The following ANK1 variants were observed in gnomAD, a reference collection of about 807,000 sequenced individuals.
ANK1 encodes ankyrin 1, also known as ankyrin-1.
A neutral mutation model predicts 210.4 loss-of-function variants in ANK1; 51 were observed. That is an observed-to-expected ratio of 0.24 (90% CI 0.19 to 0.31). The LOEUF is 0.31. Ranked by LOEUF, ANK1 falls within the 10% of genes least tolerant of loss-of-function variation. The probability of loss-of-function intolerance (pLI) is 1.00; values close to 1 mark genes in which losing one functional copy is unlikely to be tolerated. For synonymous variants in ANK1, 967 were observed against 1,025.9 expected, an observed-to-expected ratio of 0.94 and a Z score of 1.10; for missense variants, 2,051 against 2,504.4, an observed-to-expected ratio of 0.82 and a Z score of 3.86.
intron 17 of ANK1, among the ~76,000 whole-genome samples, chr8:41,707,707 C>T (rs140499384): frequency 6.6e-6 from 1 of 152,106 alleles, no homozygotes; most frequent in Non-Finnish European, 1.5e-5. Flanking sequence ...GTGAAGGAAC[C>T]CAGAATGCCA....
At chr8:41,791,131 CT>C (rs1847582142) in intron 1 of ANK1, among the ~76,000 whole-genome samples, 1 of 151,756 alleles carries the variant, frequency 6.6e-6, no homozygotes, top group African/African-American at 2.4e-5. Flanking sequence ...GGCTGCGCCC[CT>C]AGGTGTGGAG....
At chr8:41,852,596 C>A (rs1381196344) in intron 1 of ANK1, among the ~76,000 whole-genome samples, 1 of 152,238 alleles carries the variant, frequency 6.6e-6, no homozygotes, top group African/African-American at 2.4e-5. Context: ...ATGGCTACCA[C>A]TTATTGAGCA....
At chr8:41,801,866 T>C (rs1351269166), upstream of ANK1, among the ~76,000 whole-genome samples, 1 of 152,266 alleles carries the variant, frequency 6.6e-6, no homozygotes, top group East Asian at 1.9e-4. Flanking sequence ...TTTTAATGTG[T>C]CAAATATGTT....
intron 2 of ANK1, among the ~76,000 whole-genome samples, chr8:41,735,605 G>A (rs946983658): frequency 1.3e-5 from 2 of 152,118 alleles, no homozygotes; most frequent in Admixed American, 6.6e-5. Context: ...CCCACCCTGC[G>A]TTCCTCGAAT....
intron 36 of ANK1, 76 bp from the exon 37 acceptor site, chr8:41,684,766 A>G: frequency 1.3e-6 from 2 of 1,544,212 alleles, no homozygotes; most frequent in South Asian, 2.2e-5. Flanking sequence ...AAATGGGGCC[A>G]GGATGAAGAT....
In ANK1 at chr8:41,668,270, C is replaced by T. The variant is rs544231714; in HGVS notation, c.5391G>A (p.Val1797=). The change falls in exon 39 of 43, where the codon GTG becomes GTA. Residue 1797 remains valine, a synonymous_variant. Transcript: ENST00000289734. ...QEAKNTFTQV[V]QGNEFQNIPG... ...GCAGCTCCCCTCGGGCTCTCACCTG[C>T]ACCACTTGGGTGAAGGTGTTCTTGG... The T allele has an allele frequency of 3.2e-5, 52 of 1,614,248 alleles. No homozygotes were observed. Among genetic ancestry groups the T allele is most frequent in the African/African-American group, 3.1e-4 (23 of 75,066 alleles).
intron 21 of ANK1, 108 bp downstream of exon 21, chr8:41,701,944 C>T (rs1260287415): frequency 1.6e-6 from 2 of 1,221,156 alleles, no homozygotes; most frequent in African/African-American, 3.0e-5. Context: ...CGCCTCCGAC[C>T]CGCGTCCCGG....
chr8:41,725,635 G>C, intron 6 of ANK1, 126 bp downstream of exon 6: 2 of 1,314,882 alleles, frequency 1.5e-6, no homozygotes, highest in Non-Finnish European at 2.1e-6. Context: ...GGGTGAGGGC[G>C]CTCAGTGCGC....
intron 1 of ANK1, among the ~76,000 whole-genome samples, chr8:41,832,811 G>A (rs1806930922): frequency 6.6e-6 from 1 of 152,160 alleles, no homozygotes; most frequent in South Asian, 2.1e-4. Context: ...GTTTTTATTT[G>A]CTAAATCTGG....
chr8:41,873,890 C>G (rs1264271656), intron 1 of ANK1, among the ~76,000 whole-genome samples: 1 of 152,238 alleles, frequency 6.6e-6, no homozygotes, highest in Non-Finnish European at 1.5e-5. Context: ...AACCTGTGGC[C>G]TTGGCTGGAC....
At chr8:41,686,429 G>T in intron 35 of ANK1, 146 bp from the exon 36 acceptor site, 2 of 984,168 alleles carry the variant, frequency 2.0e-6, no homozygotes, top group East Asian at 2.5e-5. Flanking sequence ...CTGTGGGTTT[G>T]GTCTTCCTTC....
At chr8:41,693,222 G>T in intron 29 of ANK1, 21 bp from the exon 30 acceptor site, 1 of 1,549,814 alleles carries the variant, frequency 6.5e-7, no homozygotes, top group African/African-American at 1.4e-5. Flanking sequence ...GGCAGAAATG[G>T]GGCTGGGGAC....
At chr8:41,799,685 C>T (rs1849557895), upstream of ANK1, among the ~76,000 whole-genome samples, 1 of 152,130 alleles carries the variant, frequency 6.6e-6, no homozygotes, top group Non-Finnish European at 1.5e-5. Flanking sequence ...GGCGGGCCAG[C>T]ACAGCTTCTC....
At chr8:41,700,380 G>A in intron 22 of ANK1, 1 of 1,581,944 alleles carries the variant, frequency 6.3e-7, no homozygotes, top group African/African-American at 1.3e-5. Flanking sequence ...TGCTTAGGGT[G>A]AAATGCACTC....
chr8:41,754,163 G>C (rs1214085727), intron 2 of ANK1, among the ~76,000 whole-genome samples: 2 of 152,240 alleles, frequency 1.3e-5, no homozygotes, highest in African/African-American at 4.8e-5. Context: ...ACTTTAAAAT[G>C]AAATTATTCT....
At chr8:41,796,059 G>T (rs1848680442) in intron 1 of ANK1, among the ~76,000 whole-genome samples, 1 of 152,130 alleles carries the variant, frequency 6.6e-6, no homozygotes, top group African/African-American at 2.4e-5. Context: ...CAATAACAGA[G>T]AAGAAACTAA....
upstream of ANK1, among the ~76,000 whole-genome samples, chr8:41,799,045 C>G (rs1849407010): frequency 6.6e-6 from 1 of 152,084 alleles, no homozygotes; most frequent in Non-Finnish European, 1.5e-5. Flanking sequence ...GGACTAGTGC[C>G]TGACAGAGCT....
intron 1 of ANK1, among the ~76,000 whole-genome samples, chr8:41,822,385 G>C (rs1175782411): frequency 6.6e-6 from 1 of 152,164 alleles, no homozygotes; most frequent in African/African-American, 2.4e-5. Flanking sequence ...TGGGAATGAG[G>C]TGGATCCGTT....
chr8:41,885,986 A>G (rs55837900), intron 1 of ANK1, among the ~76,000 whole-genome samples: 2,483 of 152,338 alleles, frequency 0.016, 29 homozygotes, highest in Non-Finnish European at 0.024. Context: ...GGCCATCTCC[A>G]GAAAGGCTAA....
Sources: allele counts gnomAD v4.1 joint callset (sites outside exome capture counted in the v4.1 genomes callset), GRCh38; gene constraint gnomAD v4.1.1; transcripts MANE v1.5; gene names NCBI Gene and HGNC (gene_info 2026-07-23, HGNC 2026-07-21).